Variants in ANK3 observed in about 807,000 individuals in gnomAD.
The protein encoded by ANK3 is ankyrin-3.
In ANK3, 57 loss-of-function variants were observed where a neutral mutation model predicts 370.9. The ratio of observed to expected loss-of-function variants is 0.15; its 90% CI spans 0.12 to 0.19. ANK3 has a LOEUF of 0.19. Ranked by LOEUF, ANK3 falls within the 10% of genes least tolerant of loss-of-function variation. The probability of loss-of-function intolerance (pLI) is 1.00; values close to 1 mark genes in which losing one functional copy is unlikely to be tolerated. For synonymous variants in ANK3, 1,929 were observed against 1,946.3 expected, an observed-to-expected ratio of 0.99 and a Z score of 0.23; for missense variants, 4,439 against 5,302.1, an observed-to-expected ratio of 0.84 and a Z score of 5.06.
intron 8 of ANK3, among the ~76,000 whole-genome samples, chr10:60,225,640 T>C (rs531012393): frequency 6.6e-6 from 1 of 152,270 alleles, no homozygotes; most frequent in South Asian, 2.1e-4. Context: ...GAAAATACAT[T>C]AATTAGCTTC....
Position 60,502,231 on chromosome 10 carries a change from G to A in ANK3, c.96+112955C>T, listed in dbSNP as rs114873985. ...TCATGTAGTTACAGCCCCTGTAGCAGCAACTCTTGGGCCACAAGATGCAAA... is the reference window on the plus strand; with the variant it reads ...TCATGTAGTTACAGCCCCTGTAGCAACAACTCTTGGGCCACAAGATGCAAA... On this transcript the variant is annotated intron_variant, in intron 2 of 43. Transcript: ENST00000373827. Among the ~76,000 whole-genome samples, 702 of 152,244 alleles carry A rather than the reference G, an allele frequency of 4.6e-3. 7 individuals carry two copies. The highest frequency in any genetic ancestry group is 0.016 in the African/African-American group (663 of 41,546).
chr10:60,493,742 G>A (rs1420585386), intron 2 of ANK3, among the ~76,000 whole-genome samples: 1 of 151,868 alleles, frequency 6.6e-6, no homozygotes, highest in African/African-American at 2.4e-5. Context: ...AAATGGGTTG[G>A]CTATATAGAG....
At chr10:60,663,761 A>G (rs1409731519) in intron 1 of ANK3, among the ~76,000 whole-genome samples, 1 of 152,228 alleles carries the variant, frequency 6.6e-6, no homozygotes, top group East Asian at 1.9e-4. Context: ...TAGGTAGCAC[A>G]TTAACTTATT....
chr10:60,538,239 A>G (rs1164064191), intron 2 of ANK3, among the ~76,000 whole-genome samples: 1 of 151,928 alleles, frequency 6.6e-6, no homozygotes, highest in Non-Finnish European at 1.5e-5. Flanking sequence ...GTGAACAAGG[A>G]TAACAGATAA....
intron 1 of ANK3, among the ~76,000 whole-genome samples, chr10:60,358,137 CA>C (rs2058072343): frequency 4.0e-5 from 6 of 148,894 alleles, no homozygotes; most frequent in Non-Finnish European, 7.5e-5. Context: ...CACACACACA[CA>C]CACACCCAAA....
In ANK3 at chr10:60,117,457, T is replaced by C. The variant is rs190660998; in HGVS notation, c.2842-3126A>G. Among the ~76,000 whole-genome samples, 423 of 152,232 alleles carry C rather than the reference T, an allele frequency of 2.8e-3. 2 individuals carry two copies. Among genetic ancestry groups the C allele is most frequent in the African/African-American group, 9.7e-3 (404 of 41,536 alleles). ...GGGGGAGAGTTTTGGGGTTGGACTA[T>C]TGATATGCACAGAGGACATCAAGCA... is the stretch of plus-strand genomic sequence containing the variant. On this transcript the variant is annotated intron_variant, in intron 25 of 43. Transcript: ENST00000280772.
chr10:60,381,284 T>A (rs1210026122), intron 1 of ANK3, among the ~76,000 whole-genome samples: 1 of 152,224 alleles, frequency 6.6e-6, no homozygotes, highest in African/African-American at 2.4e-5. Flanking sequence ...AAGGAATCAT[T>A]TGATACTTCC....
At chr10:60,103,157 G>A (rs2091591263) in intron 28 of ANK3, among the ~76,000 whole-genome samples, 1 of 151,976 alleles carries the variant, frequency 6.6e-6, no homozygotes, top group East Asian at 1.9e-4. Context: ...TCACCATGTT[G>A]GCCAGGATGG....
At chr10:60,396,642 CAA>C (rs1052086945) in intron 2 of ANK3, among the ~76,000 whole-genome samples, 2 of 152,102 alleles carry the variant, frequency 1.3e-5, no homozygotes, top group African/African-American at 4.8e-5. Flanking sequence ...GTTTCATAGT[CAA>C]ATGTAACATT....
intron 28 of ANK3, 25 bp from the exon 29 acceptor site, chr10:60,088,383 G>A (rs1328693059): frequency 6.3e-7 from 1 of 1,594,364 alleles, no homozygotes; most frequent in Non-Finnish European, 8.6e-7. Flanking sequence ...GAAAGAAAAT[G>A]CCATGAGAAT....
Position 60,075,459 on chromosome 10 carries a change from T to C in ANK3, c.5422A>G (p.Ile1808Val), listed in dbSNP as rs151312085. The C allele has an allele frequency of 1.7e-4, 267 of 1,612,484 alleles. No homozygotes were observed. Among genetic ancestry groups the C allele is most frequent in the Non-Finnish European group, 2.2e-4 (256 of 1,180,004 alleles). The change falls in exon 37 of 44, where the codon ATA (isoleucine) becomes GTA (valine). Residue 1808 changes from isoleucine (I) to valine (V), a missense_variant. Around this residue, in one of 13 missense-constraint regions of ANK3, gnomAD observed 679 missense variants for 791.0 expected, o/e 0.86. Coordinates refer to ENST00000280772, the MANE Select transcript of ANK3 (RefSeq NM_020987.5). ...GTTACAGATGAGGTAGTTGCAGATA[T>C]TGACGACCCAAGGGATGTATAGAGT... ...SALYTSLGSS[I>V]SATTSSVTSS... is the part of the protein sequence containing the mutation.
chr10:60,447,660 G>T (rs749537237), intron 2 of ANK3, among the ~76,000 whole-genome samples: 5 of 152,114 alleles, frequency 3.3e-5, no homozygotes, highest in Non-Finnish European at 7.4e-5. Context: ...TGTCAAAAAT[G>T]ACATTTATTC....
At chr10:60,190,177 GAAGA>G (rs1271062694) in intron 16 of ANK3, among the ~76,000 whole-genome samples, 1 of 152,170 alleles carries the variant, frequency 6.6e-6, no homozygotes, top group African/African-American at 2.4e-5. Flanking sequence ...TTAAAAAAGA[GAAGA>G]AAGGAGAAGA....
chr10:60,093,332 TCTC>T (rs1305894997), intron 28 of ANK3, among the ~76,000 whole-genome samples: 2 of 152,224 alleles, frequency 1.3e-5, no homozygotes, highest in African/African-American at 2.4e-5. Flanking sequence ...GATGTCATGT[TCTC>T]CTTCAAAATG....
At chr10:60,511,340 A>T (rs1237798329) in intron 2 of ANK3, among the ~76,000 whole-genome samples, 1 of 152,170 alleles carries the variant, frequency 6.6e-6, no homozygotes, top group Admixed American at 6.6e-5. Flanking sequence ...TAAAAGAGGA[A>T]TATGACAAGA....
intron 22 of ANK3, 66 bp from the exon 23 acceptor site, chr10:60,166,719 G>A (rs1007675723): frequency 4.8e-5 from 76 of 1,586,862 alleles, no homozygotes; most frequent in South Asian, 1.9e-4. Context: ...ACAACAAAAC[G>A]TTTCAATATT....
chr10:60,327,701 G>C (rs1387008750), intron 1 of ANK3, among the ~76,000 whole-genome samples: 1 of 152,034 alleles, frequency 6.6e-6, no homozygotes, highest in Non-Finnish European at 1.5e-5. Context: ...TATCTTTTTA[G>C]CATCATAGGA....
intron 2 of ANK3, among the ~76,000 whole-genome samples, chr10:60,526,368 A>G (rs2076470821): frequency 6.6e-6 from 1 of 152,180 alleles, no homozygotes; most frequent in Non-Finnish European, 1.5e-5. Context: ...AACAGTATCA[A>G]TCTCAGCTGA....
intron 1 of ANK3, 26 bp from the exon 2 acceptor site, chr10:60,279,665 G>A (rs746073015): frequency 1.9e-6 from 3 of 1,567,212 alleles, no homozygotes; most frequent in Non-Finnish European, 2.6e-6. Flanking sequence ...AACACATTTT[G>A]ATGAAAAATG....
Sources: gnomAD v4.1 joint callset for allele counts (sites outside exome capture counted in the v4.1 genomes callset) on GRCh38, gnomAD v4.1.1 for gene constraint, gnomAD v4.1.1 regional missense constraint, MANE v1.5 for transcripts, NCBI Gene and HGNC (gene_info 2026-07-23, HGNC 2026-07-21) for gene names.